PRKAR1B: variants seen among roughly 807,000 people sequenced by gnomAD.
PRKAR1B encodes cAMP-dependent protein kinase type I-beta regulatory subunit.
PRKAR1B carries 22 observed loss-of-function variants against 46.5 expected under a neutral mutation model. The observed-to-expected ratio is 0.47, with a 90% CI of 0.34 to 0.68. The LOEUF (loss-of-function observed/expected upper bound fraction) is 0.68, where lower values mean the gene tolerates loss of function less well. PRKAR1B is among the 30% of genes least tolerant of loss of function. The probability of loss-of-function intolerance (pLI) is 0.01; values close to 1 mark genes in which losing one functional copy is unlikely to be tolerated. For synonymous variants in PRKAR1B, 259 were observed against 217.7 expected (o/e 1.19, Z -1.67); for missense variants, 445 against 535.6 (o/e 0.83, Z 1.67).
At chr7:641,463 T>G (rs920828375) in intron 4 of PRKAR1B, among the ~76,000 whole-genome samples, 1 of 152,220 alleles carries the variant, frequency 6.6e-6, no homozygotes, top group African/African-American at 2.4e-5. Flanking sequence ...GACGCCGTAT[T>G]GTTCATAATA....
intron 4 of PRKAR1B, among the ~76,000 whole-genome samples, chr7:646,062 AAGAGGCAGAGTCTTG>A: frequency 6.6e-6 from 1 of 151,726 alleles, no homozygotes; most frequent in African/African-American, 2.4e-5. Context: ...TTTTTTTTTT[AAGAGGCAGAGTCTTG>A]CTCTGCCTCC....
At chr7:553,067 C>G (rs1325084983) in intron 9 of PRKAR1B, among the ~76,000 whole-genome samples, 1 of 152,338 alleles carries the variant, frequency 6.6e-6, no homozygotes, top group East Asian at 1.9e-4. Context: ...CTGGTCCCTC[C>G]AGGGCCCCAG....
chr7:680,328 C>T (rs2128507316), intron 3 of PRKAR1B, among the ~76,000 whole-genome samples: 1 of 152,250 alleles, frequency 6.6e-6, no homozygotes, highest in East Asian at 1.9e-4. Flanking sequence ...AGTGACCCCA[C>T]ACAGAGCTGC....
chr7:708,082 A>G (rs552853511), intron 2 of PRKAR1B, among the ~76,000 whole-genome samples: 1 of 141,210 alleles, frequency 7.1e-6, no homozygotes, highest in South Asian at 2.3e-4. Flanking sequence ...AGCCATCCCA[A>G]TACACCTCAA....
At chr7:558,359 AAGG>A (rs373918546) in intron 9 of PRKAR1B, among the ~76,000 whole-genome samples, 47 of 149,418 alleles carry the variant, frequency 3.1e-4, no homozygotes, top group African/African-American at 8.1e-4. Context: ...GAAGGAGGAG[AAGG>A]AGGAGGAGGA....
intron 9 of PRKAR1B, among the ~76,000 whole-genome samples, chr7:551,783 C>T (rs1412908046): frequency 4.3e-5 from 6 of 138,478 alleles, no homozygotes; most frequent in South Asian, 2.6e-4. Context: ...TCCCTCGGAG[C>T]CACTGCCATC....
At chr7:655,531 T>C (rs1012493395) in intron 4 of PRKAR1B, among the ~76,000 whole-genome samples, 2 of 152,190 alleles carry the variant, frequency 1.3e-5, no homozygotes, top group Admixed American at 1.3e-4. Flanking sequence ...CCCTGCATCA[T>C]CTTGTGTTTC....
chr7:711,512 G>A lies in PRKAR1B; in HGVS notation c.-7C>T. 6.2e-7 allele frequency: 1 copy of A among 1,612,518 alleles called. No individual in the cohort carries two copies. The highest frequency in any genetic ancestry group is 8.5e-7 in the Non-Finnish European group (1 of 1,179,262). On this transcript the variant is annotated 5_prime_UTR_variant, in exon 2 of 11. Coordinates refer to ENST00000537384, the MANE Select transcript of PRKAR1B (RefSeq NM_001164760.2). ...AGGCGGGCGGGGAGGCCATGGCGAG[G>A]GTGGCTGCTTCCTTCCTGTCCAGAA... is the stretch of plus-strand genomic sequence containing the variant.
rs1272087790 is a variant in PRKAR1B at position 667,163 on chromosome 7, G to A, written c.440+10066C>T. ...TGGTGGTGATGGTGATGATAATGAT[G>A]GTGATGATGACAGTGATGATGGTGA... is the stretch of plus-strand genomic sequence containing the variant. On this transcript the variant is annotated intron_variant, in intron 4 of 10. Transcript: ENST00000537384. The surrounding 1 kb of genome is among the most constrained non-coding windows in gnomAD (Gnocchi z 4.3). Among the ~76,000 whole-genome samples, 1 of 152,032 alleles carries A rather than the reference G, an allele frequency of 6.6e-6. No individual in the cohort carries two copies. The highest frequency in any genetic ancestry group is 1.5e-5 in the Non-Finnish European group (1 of 68,006).
chr7:658,305 G>A (rs1435155186), intron 4 of PRKAR1B, among the ~76,000 whole-genome samples: 1 of 152,094 alleles, frequency 6.6e-6, no homozygotes, highest in African/African-American at 2.4e-5. Context: ...GCATGGTGGT[G>A]CACACCTGTA....
chr7:651,671 A>T (rs1784910655), intron 4 of PRKAR1B, among the ~76,000 whole-genome samples: 1 of 151,492 alleles, frequency 6.6e-6, no homozygotes, highest in Non-Finnish European at 1.5e-5. Context: ...CTCTCGGAAC[A>T]CAGTTCACAC....
intron 4 of PRKAR1B, among the ~76,000 whole-genome samples, chr7:637,471 C>T (rs1313066609): frequency 6.6e-6 from 1 of 151,968 alleles, no homozygotes; most frequent in East Asian, 1.9e-4. Flanking sequence ...AGTCTTTAAA[C>T]CTAAGGAAAA....
chr7:564,469 G>A (rs982385811), intron 9 of PRKAR1B, among the ~76,000 whole-genome samples: 6 of 152,302 alleles, frequency 3.9e-5, no homozygotes, highest in East Asian at 1.9e-4. Context: ...CAAGCCTGTG[G>A]CTCGGAGCTT....
chr7:644,144 C>G lies in PRKAR1B; in HGVS notation c.440+33085G>C, dbSNP rs1188903162. ...CTAAGTCACGGGCCACATGCACCCC[C>G]TCCTGTGCCCTCACCTACACAGGCA... On this transcript the variant is annotated intron_variant, in intron 4 of 10. Transcript: ENST00000537384. This position sits in a 1 kb window ranked among gnomAD's most constrained non-coding sequence, Gnocchi z 4.9. Among the ~76,000 whole-genome samples the G allele has an allele frequency of 1.3e-5, 2 of 152,212 alleles. No individual in the cohort carries two copies. Among genetic ancestry groups the G allele is most frequent in the Non-Finnish European group, 2.9e-5 (2 of 68,042 alleles).
At chr7:670,411 T>C (rs1377309957) in intron 4 of PRKAR1B, among the ~76,000 whole-genome samples, 4 of 152,208 alleles carry the variant, frequency 2.6e-5, no homozygotes, top group Admixed American at 2.6e-4. Context: ...TGTGCCTCCA[T>C]GAACATGGAA....
chr7:703,341 G>A (rs1442987529), intron 2 of PRKAR1B, among the ~76,000 whole-genome samples: 1 of 152,078 alleles, frequency 6.6e-6, no homozygotes, highest in East Asian at 1.9e-4. Flanking sequence ...TATAGCAAGG[G>A]GCCAAAAAGA....
At chr7:631,769 TAGAG>T (rs1234811168) in intron 4 of PRKAR1B, among the ~76,000 whole-genome samples, 3 of 150,774 alleles carry the variant, frequency 2.0e-5, no homozygotes, top group South Asian at 4.2e-4. Flanking sequence ...CTGGCCAACA[TAGAG>T]AGACCCCCAT....
intron 4 of PRKAR1B, among the ~76,000 whole-genome samples, chr7:634,322 CA>C (rs1246333071): frequency 1.3e-5 from 2 of 148,324 alleles, no homozygotes; most frequent in Non-Finnish European, 3.0e-5. Context: ...GCACCCGGCC[CA>C]AAAAAAAACA....
intron 2 of PRKAR1B, among the ~76,000 whole-genome samples, chr7:693,205 G>A (rs1250975444): frequency 6.6e-6 from 1 of 151,270 alleles, no homozygotes; most frequent in Non-Finnish European, 1.5e-5. Context: ...AAGGTGCTGG[G>A]ATTACAGGTG....
Sources: allele counts gnomAD v4.1 joint callset (sites outside exome capture counted in the v4.1 genomes callset), GRCh38; gene constraint gnomAD v4.1.1; non-coding constraint Gnocchi (gnomAD v3.1); transcripts MANE v1.5; gene names NCBI Gene and HGNC (gene_info 2026-07-23, HGNC 2026-07-21).